The following DTD1 variants were observed in gnomAD, a reference collection of about 807,000 sequenced individuals.
DTD1 encodes D-aminoacyl-tRNA deacylase 1.
DTD1 carries 13 observed loss-of-function variants against 25.6 expected under a neutral mutation model. That is an observed-to-expected ratio of 0.51 (90% CI 0.33 to 0.81). The LOEUF is 0.81. Ranked by LOEUF, DTD1 falls within the 30% of genes least tolerant of loss-of-function variation. DTD1 has a pLI of 0.02. For missense variants in DTD1, 193 were observed against 266.4 expected (o/e 0.72, Z 1.92); for synonymous variants, 110 against 103.6 (o/e 1.06, Z -0.37).
rs761801935 is a variant in DTD1, at chr20:18,744,289, T to A, written c.*19+18T>A. On this transcript the variant is annotated intron_variant, in intron 5 of 5. Coordinates refer to ENST00000377452, the MANE Select transcript of DTD1 (RefSeq NM_080820.6). The stretch of plus-strand genomic sequence containing the variant: ...GAATTCAGGTAGGAGTTTCCCTGCT[T>A]GGCTTCATCTTCCCACATTTTGGGG... 33 of 1,606,022 alleles carry A rather than the reference T, an allele frequency of 2.1e-5. No homozygotes were observed. Among genetic ancestry groups the A allele is most frequent in the Middle Eastern group, 2.3e-4 (1 of 4,398 alleles).
At chr20:18,710,566 T>A (rs543575920) in intron 4 of DTD1, among the ~76,000 whole-genome samples, 46 of 152,366 alleles carry the variant, frequency 3.0e-4, no homozygotes, top group African/African-American at 9.1e-4. Context: ...AACAGAATGG[T>A]GTTTAATAAG....
At chr20:18,628,100 T>C (rs969517173) in intron 3 of DTD1, 27 bp from the exon 4 acceptor site, 1 of 1,597,448 alleles carries the variant, frequency 6.3e-7, no homozygotes, top group African/African-American at 1.3e-5. Context: ...TCTCCATCTT[T>C]GGTAACTGTT....
rs771328640 is a variant in DTD1, at chr20:18,751,084, T to TGTGTGTGTGG, written c.*19+6814_*19+6815insTGTGTGTGGG. The stretch of plus-strand genomic sequence containing the variant: ...GCAGCCGTGTGTGTGTGTGTGTGTG[T>TGTGTGTGTGG]GGGTGTGTGTTTTCTGTTGAAAAGG... On this transcript the variant is annotated intron_variant, in intron 5 of 5. Coordinates refer to ENST00000377452, the MANE Select transcript of DTD1 (RefSeq NM_080820.6). 5.3e-5 allele frequency among the ~76,000 whole-genome samples: 8 copies of TGTGTGTGTGG among 151,420 alleles called. No individual in the cohort carries two copies. In the East Asian group the frequency reaches 1.4e-3, roughly 26 times the overall value.
chr20:18,710,627 A>G (rs1349150554), intron 4 of DTD1, among the ~76,000 whole-genome samples: 3 of 152,260 alleles, frequency 2.0e-5, no homozygotes, highest in Non-Finnish European at 2.9e-5. Flanking sequence ...ATTTTAAATT[A>G]TATCAACTTT....
chr20:18,691,232 TATC>T (rs2061045893), intron 4 of DTD1, among the ~76,000 whole-genome samples: 3 of 152,216 alleles, frequency 2.0e-5, no homozygotes, highest in Non-Finnish European at 2.9e-5. Flanking sequence ...GAACTATTAA[TATC>T]ATTCAACCCA....
chr20:18,760,889 C>T (rs1002161365), intron 5 of DTD1, among the ~76,000 whole-genome samples: 19 of 152,316 alleles, frequency 1.2e-4, no homozygotes, highest in African/African-American at 3.8e-4. Flanking sequence ...CCACCCAGTT[C>T]GAGCTTCCCG....
At chr20:18,703,639 C>A (rs536774618) in intron 4 of DTD1, among the ~76,000 whole-genome samples, 1 of 152,044 alleles carries the variant, frequency 6.6e-6, no homozygotes, top group South Asian at 2.1e-4. Flanking sequence ...ATCTCCCAAC[C>A]TTTCTACTAA....
chr20:18,738,072 C>T (rs1314429498), intron 4 of DTD1, among the ~76,000 whole-genome samples: 1 of 152,202 alleles, frequency 6.6e-6, no homozygotes, highest in Non-Finnish European at 1.5e-5. Context: ...TTCCAGTGGA[C>T]AGTCAGCCTC....
In DTD1 at chr20:18,744,179, A is replaced by G. The variant is rs1600219351; in HGVS notation, c.557A>G (p.Asn186Ser). The G allele has an allele frequency of 6.2e-7, 1 of 1,612,370 alleles. No individual in the cohort carries two copies. Among genetic ancestry groups the G allele is most frequent in the Non-Finnish European group, 8.5e-7 (1 of 1,180,028 alleles). ...CCTTCTGAATCAAGCAAGGAAAGAAACACTCCCCGAAAAGAAGACCGCAGT... is the reference window on the plus strand; with the variant it reads ...CCTTCTGAATCAAGCAAGGAAAGAAGCACTCCCCGAAAAGAAGACCGCAGT... The part of the protein sequence containing the change: ...KGPSESSKER[N>S]TPRKEDRSAS... The change falls in exon 5 of 6, where the codon AAC becomes AGC. Residue 186 changes from asparagine (N) to serine (S), a missense_variant. By Grantham distance (46) the Asn-to-Ser change is conservative. Coordinates refer to ENST00000377452, the MANE Select transcript of DTD1 (RefSeq NM_080820.6).
At chr20:18,641,777 AGAT>A (rs2060829469) in intron 4 of DTD1, among the ~76,000 whole-genome samples, 1 of 152,220 alleles carries the variant, frequency 6.6e-6, no homozygotes, top group African/African-American at 2.4e-5. Context: ...CTTAACAGAT[AGAT>A]GATCTGCAAA....
chr20:18,642,715 G>A (rs1412756314), intron 4 of DTD1: 2 of 152,576 alleles, frequency 1.3e-5, no homozygotes, highest in African/African-American at 4.8e-5. Flanking sequence ...TGGCTCTAGG[G>A]AAGTGACAGT....
chr20:18,630,241 C>T (rs1054898604), intron 4 of DTD1: 1 of 152,044 alleles, frequency 6.6e-6, no homozygotes, highest in Non-Finnish European at 1.5e-5. Flanking sequence ...ACCCAACTGC[C>T]TCTAGTTTCA....
Position 18,593,717 on chromosome 20 carries a change from T to G in DTD1, c.44-14T>G. The G allele has an allele frequency of 1.9e-6, 3 of 1,608,168 alleles. No individual in the cohort carries two copies. The highest frequency in any genetic ancestry group is 2.6e-6 in the Non-Finnish European group (3 of 1,174,736). On this transcript the variant is annotated splice_polypyrimidine_tract_variant and intron_variant, in intron 1 of 5. Coordinates refer to ENST00000377452, the MANE Select transcript of DTD1 (RefSeq NM_080820.6). ...TGGTTCTGAGTTCTTCTCTCCCTTT[T>G]GGTTCCTTTCTAGTTGGAGGAGAGC...
At chr20:18,712,116 C>G (rs1255141870) in intron 4 of DTD1, among the ~76,000 whole-genome samples, 2 of 151,818 alleles carry the variant, frequency 1.3e-5, no homozygotes. Context: ...ATTTCTTCAT[C>G]AACTCCATTC....
At chr20:18,697,724 G>T (rs541419206) in intron 4 of DTD1, among the ~76,000 whole-genome samples, 1 of 152,094 alleles carries the variant, frequency 6.6e-6, no homozygotes. Flanking sequence ...TCGCTCTTTC[G>T]CCCAGGCCGG....
intron 5 of DTD1, among the ~76,000 whole-genome samples, chr20:18,757,362 G>T (rs2061343343): frequency 6.6e-6 from 1 of 152,206 alleles, no homozygotes; most frequent in Admixed American, 6.5e-5. Flanking sequence ...TTTTCAAAGG[G>T]AGTGCTTCCA....
chr20:18,743,826 A>C (rs956091566), intron 4 of DTD1, among the ~76,000 whole-genome samples: 3 of 152,236 alleles, frequency 2.0e-5, no homozygotes, highest in African/African-American at 7.2e-5. Context: ...AGGCTGTGGC[A>C]TGACCGCTCC....
chr20:18,649,046 C>T (rs921507066), intron 4 of DTD1, among the ~76,000 whole-genome samples: 16 of 145,162 alleles, frequency 1.1e-4, no homozygotes, highest in Non-Finnish European at 2.1e-4. Flanking sequence ...TGTGGAATGA[C>T]CAGAATTACA....
intron 4 of DTD1, among the ~76,000 whole-genome samples, chr20:18,647,832 G>T (rs189341359): frequency 1.3e-5 from 2 of 152,238 alleles, no homozygotes; most frequent in East Asian, 3.9e-4. Context: ...GATTGGACTG[G>T]GCAAGGTAAA....
Sources: allele counts gnomAD v4.1 joint callset (sites outside exome capture counted in the v4.1 genomes callset), GRCh38; gene constraint gnomAD v4.1.1; transcripts MANE v1.5; gene names NCBI Gene and HGNC (gene_info 2026-07-23, HGNC 2026-07-21).